SLC39A1: variants seen among roughly 807,000 people sequenced by gnomAD.
SLC39A1 encodes zinc transporter ZIP1.
Under a neutral mutation model 21.4 loss-of-function variants are expected in SLC39A1, and 17 were observed. The ratio of observed to expected loss-of-function variants is 0.79; its 90% CI spans 0.54 to 1.19. The LOEUF (loss-of-function observed/expected upper bound fraction) is 1.19. SLC39A1 is among the 50% of genes most tolerant of loss of function. The pLI, the probability that SLC39A1 is intolerant of heterozygous loss-of-function variation, is 0.00. For missense variants in SLC39A1, 343 were observed against 399.8 expected, an observed-to-expected ratio of 0.86 and a Z score of 1.21; for synonymous variants, 183 against 185.9, an observed-to-expected ratio of 0.98 and a Z score of 0.13.
chr1:153,959,542 AG>A lies in SLC39A1; in HGVS notation c.*555del, dbSNP rs1680844460. On this transcript the variant is annotated 3_prime_UTR_variant, in exon 4 of 4. Coordinates refer to ENST00000356205, the MANE Select transcript of SLC39A1 (RefSeq NM_001271958.2). ...TTGGCACTTTAAAAATAGAGGAGTA[AG>A]CAGGACTGGAGAGGCCAGAGAAGAT... The A allele has an allele frequency of 2.8e-6, 1 of 355,938 alleles. No individual in the cohort carries two copies. Among genetic ancestry groups the A allele is most frequent in the Non-Finnish European group, 5.0e-6 (1 of 199,242 alleles). 22.0% of individuals were successfully genotyped at this position (355,938 alleles called of 1,614,324 possible). A position where few individuals can be genotyped will look rare whatever the true frequency, so the allele number is the denominator to read the frequency against.
In SLC39A1 at chr1:153,962,587, G is replaced by A. The variant is rs1264045347; in HGVS notation, c.129C>T (p.Leu43=). Residue 43 remains leucine, a synonymous_variant, in exon 2 of 4, where the codon CTC becomes CTT. Transcript: ENST00000356205. ...GCACACAGATGGGCACCAGGCTGCAGAGGAGGGTGAGCACCAGCAGCAGCA... is the reference window on the plus strand; with the variant it reads ...GCACACAGATGGGCACCAGGCTGCAAAGGAGGGTGAGCACCAGCAGCAGCA... ...ALVLLLVLTL[L]CSLVPICVLR... 2 of 1,613,682 alleles carry A rather than the reference G, an allele frequency of 1.2e-6. No homozygotes were observed. Among genetic ancestry groups the A allele is most frequent in the Non-Finnish European group, 1.7e-6 (2 of 1,179,980 alleles).
At chr1:153,964,920 A>G (rs1248260031), upstream of SLC39A1, 1 of 152,212 alleles carries the variant, frequency 6.6e-6, no homozygotes, top group Non-Finnish European at 1.5e-5. Context: ...AGCCTGGGCA[A>G]CAACAGCGAA....
upstream of SLC39A1, chr1:153,965,183 C>T (rs1351405065): frequency 6.6e-6 from 1 of 152,158 alleles, no homozygotes; most frequent in East Asian, 1.9e-4. Flanking sequence ...AATCCCAGCA[C>T]TTTGGGAAGC....
At chr1:153,967,336 CG>C (rs1647855909), upstream of SLC39A1, 2 of 152,246 alleles carry the variant, frequency 1.3e-5, no homozygotes, top group African/African-American at 4.8e-5. Context: ...GTTGACTCCC[CG>C]CCTGGGTGAA....
chr1:153,966,659 G>C (rs1016244881), upstream of SLC39A1: 20 of 152,166 alleles, frequency 1.3e-4, no homozygotes, highest in African/African-American at 4.6e-4. Context: ...TCCATCTGCT[G>C]TAAGAATTAT....
rs758321658 is a variant in SLC39A1 at position 153,959,963 on chromosome 1, T to A, written c.*135A>T. 9.6e-7 allele frequency: 1 copy of A among 1,040,620 alleles called. No individual in the cohort carries two copies. The highest frequency in any genetic ancestry group is 1.6e-5 in the African/African-American group (1 of 62,166). The allele number at this position is 1,040,620 out of a possible 1,614,324, so 64.5% of individuals were successfully genotyped here. ...TAGTCAGATAGCCCCAAAGGCTCTA[T>A]CTTTAGCTCCCAGAGAACTTTTTGG... On this transcript the variant is annotated 3_prime_UTR_variant, in exon 4 of 4. Coordinates refer to ENST00000356205, the MANE Select transcript of SLC39A1 (RefSeq NM_001271958.2).
chr1:153,962,325 T>G lies in SLC39A1; in HGVS notation c.213A>C (p.Leu71=). ...GSASRQKALS[L]VSCFAGGVFL... ...AGACGCCCCCCGCGAAACAGCTTAC[T>G]AGGCTCAGGGCTTTCTGGCGGGAAG... The change falls in exon 3 of 4, where the codon CTA becomes CTC. Residue 71 remains leucine, a synonymous_variant. Coordinates refer to ENST00000356205, the MANE Select transcript of SLC39A1 (RefSeq NM_001271958.2). 6.2e-7 allele frequency: 1 copy of G among 1,614,110 alleles called. No homozygotes were observed. The highest frequency in any genetic ancestry group is 8.5e-7 in the Non-Finnish European group (1 of 1,179,992).
Position 153,962,533 on chromosome 1 carries a change from G to A in SLC39A1, c.183C>T (p.Gly61=), listed in dbSNP as rs1432489351. The A allele has an allele frequency of 6.2e-7, 1 of 1,611,664 alleles. No homozygotes were observed. Among genetic ancestry groups the A allele is most frequent in the East Asian group, 2.2e-5 (1 of 44,856 alleles). ...VLRRPGANHE[G]SASRQKALSL... ...TGGGGAAAAGGAGAGGCTTACCTGA[G>A]CCTTCATGGTTAGCTCCTGGCCGGC... The change falls in exon 2 of 4, where the codon GGC becomes GGT. Residue 61 remains glycine (G), a synonymous_variant. Coordinates refer to ENST00000356205, the MANE Select transcript of SLC39A1 (RefSeq NM_001271958.2).
rs1351152299 is a variant in SLC39A1, at chr1:153,960,600, T to C, written c.473A>G (p.His158Arg). ...TGGGACCCCTGGCCCATCATGCCAATGCTGCGGCCCACCATTCACTGTTCC... is the reference window on the plus strand; with the variant it reads ...TGGGACCCCTGGCCCATCATGCCAACGCTGCGGCCCACCATTCACTGTTCC... Reference protein sequence around the residue: ...LLGTVNGGPQHWHDGPGVPQA... With the variant: ...LLGTVNGGPQRWHDGPGVPQA... The change falls in exon 4 of 4, where the codon CAT becomes CGT. Residue 158 changes from histidine (H) to arginine (R), a missense_variant. Transcript: ENST00000356205. The C allele has an allele frequency of 1.9e-6, 3 of 1,614,226 alleles. No homozygotes were observed. Among genetic ancestry groups the C allele is most frequent in the Non-Finnish European group, 1.7e-6 (2 of 1,180,054 alleles).
chr1:153,959,158 T>C lies in SLC39A1; in HGVS notation c.*940A>G, dbSNP rs1407313485. ...GGTAACAGGTCCCAAAACAGGTCAG[T>C]TAATAAAATAGATTCTAAAGAATAT... On this transcript the variant is annotated 3_prime_UTR_variant, in exon 4 of 4. Coordinates refer to ENST00000356205, the MANE Select transcript of SLC39A1 (RefSeq NM_001271958.2). 5 of 398,810 alleles carry C rather than the reference T, an allele frequency of 1.3e-5. No individual in the cohort carries two copies. Among genetic ancestry groups the C allele is most frequent in the Non-Finnish European group, 2.2e-5 (5 of 226,050 alleles). 24.7% of individuals were successfully genotyped at this position (398,810 alleles called of 1,614,324 possible).
At chr1:153,966,074 A>G (rs1418563248), upstream of SLC39A1, among the ~76,000 whole-genome samples, 1 of 152,116 alleles carries the variant, frequency 6.6e-6, no homozygotes, top group East Asian at 1.9e-4. Context: ...CTGCACATAC[A>G]GCCCGCAGGA....
rs777878577 is a variant in SLC39A1 at position 153,960,023 on chromosome 1, C to A, written c.*75G>T. 4.8e-4 allele frequency: 720 copies of A among 1,502,904 alleles called. No individual in the cohort carries two copies. The highest frequency in any genetic ancestry group is 6.4e-4 in the Admixed American group (30 of 46,992). 93.1% of individuals were successfully genotyped at this position (1,502,904 alleles called of 1,614,324 possible). A position where few individuals can be genotyped will look rare whatever the true frequency, so the allele number is the denominator to read the frequency against. Reference sequence around the variant, plus strand: ...TTTCCCTTCCCCTTTCCTTCCTATTCCCCACAACTGGGGGAGGGAAGGGAG... The same window carrying A: ...TTTCCCTTCCCCTTTCCTTCCTATTACCCACAACTGGGGGAGGGAAGGGAG... On this transcript the variant is annotated 3_prime_UTR_variant, in exon 4 of 4. Coordinates refer to ENST00000356205, the MANE Select transcript of SLC39A1 (RefSeq NM_001271958.2).
chr1:153,964,029 C>T (rs547289516), upstream of SLC39A1, among the ~76,000 whole-genome samples: 55 of 152,302 alleles, frequency 3.6e-4, no homozygotes, highest in African/African-American at 1.2e-3. Flanking sequence ...GCACCCACAA[C>T]AAGGAAAAAG....
chr1:153,966,515 C>T (rs781392672), upstream of SLC39A1: 2 of 152,198 alleles, frequency 1.3e-5, no homozygotes, highest in Non-Finnish European at 2.9e-5. Context: ...CCTGTAGTCC[C>T]AGCTACTAGG....
Position 153,960,462 on chromosome 1 carries a change from C to G in SLC39A1, c.611G>C (p.Arg204Pro). ...CAGGCACAGCTCCATGGCCCGAGCCCGGTCTCGCTGCAGCCCTACCGCCAG... is the reference window on the plus strand; with the variant it reads ...CAGGCACAGCTCCATGGCCCGAGCCGGGTCTCGCTGCAGCCCTACCGCCAG... Reference protein sequence around the residue: ...EGLAVGLQRDRARAMELCLAL... With the variant: ...EGLAVGLQRDPARAMELCLAL... The change falls in exon 4 of 4, where the codon CGG (arginine) becomes CCG (proline). Residue 204 changes from arginine to proline, a missense_variant. Transcript: ENST00000356205. The G allele has an allele frequency of 6.2e-7, 1 of 1,613,634 alleles. No individual in the cohort carries two copies. The highest frequency in any genetic ancestry group is 1.1e-5 in the South Asian group (1 of 91,072).
chr1:153,960,271 G>A lies in SLC39A1; in HGVS notation c.802C>T (p.His268Tyr). 2 of 1,614,136 alleles carry A rather than the reference G, an allele frequency of 1.2e-6. No homozygotes were observed. The highest frequency in any genetic ancestry group is 2.2e-5 in the East Asian group (1 of 44,890). ...TCTAGCACAGACTGGGCCAGCTGGTGCAGAGGTCCTGCCGACTCTGCCAGA... is the reference window on the plus strand; with the variant it reads ...TCTAGCACAGACTGGGCCAGCTGGTACAGAGGTCCTGCCGACTCTGCCAGA... ...AALAESAGPL[H>Y]QLAQSVLEGM... Residue 268 changes from histidine (H) to tyrosine (Y), a missense_variant, in exon 4 of 4, where the codon CAC (histidine) becomes TAC (tyrosine). By Grantham distance (83) the His-to-Tyr change is moderately conservative (BLOSUM62 2). Coordinates refer to ENST00000356205, the MANE Select transcript of SLC39A1 (RefSeq NM_001271958.2).
rs751281515 is a variant in SLC39A1 at position 153,960,461 on chromosome 1, C to T, written c.612G>A (p.Arg204=). The T allele has an allele frequency of 2.5e-6, 4 of 1,613,684 alleles. No individual in the cohort carries two copies. In the East Asian group the frequency reaches 8.9e-5, roughly 36 times the overall value. ...CCAGGCACAGCTCCATGGCCCGAGC[C>T]CGGTCTCGCTGCAGCCCTACCGCCA... The part of the protein sequence containing the change: ...EGLAVGLQRD[R]ARAMELCLAL... The change falls in exon 4 of 4, where the codon CGG becomes CGA. Residue 204 remains arginine (R), a synonymous_variant. Coordinates refer to ENST00000356205, the MANE Select transcript of SLC39A1 (RefSeq NM_001271958.2).
At chr1:153,966,098 G>T (rs1557879748), upstream of SLC39A1, among the ~76,000 whole-genome samples, 1 of 152,118 alleles carries the variant, frequency 6.6e-6, no homozygotes, top group Non-Finnish European at 1.5e-5. Flanking sequence ...CCTTTGAAAT[G>T]TATTTAACCA....
At chr1:153,960,807 A>T (rs1217332472) in intron 3 of SLC39A1, 53 bp from the exon 4 acceptor site, 6 of 1,546,548 alleles carry the variant, frequency 3.9e-6, no homozygotes, top group Non-Finnish European at 5.2e-6. Context: ...TGAGATGCAA[A>T]ATCTGGTGAA....
Sources: gnomAD v4.1 joint callset for allele counts (sites outside exome capture counted in the v4.1 genomes callset) on GRCh38, gnomAD v4.1.1 for gene constraint, MANE v1.5 for transcripts, NCBI Gene and HGNC (gene_info 2026-07-23, HGNC 2026-07-21) for gene names.